SDCCAG8: variants seen among roughly 807,000 people sequenced by gnomAD.
SDCCAG8 encodes SHH signaling and ciliogenesis regulator SDCCAG8.
A neutral mutation model predicts 101.8 loss-of-function variants in SDCCAG8; 74 were observed. The observed-to-expected ratio is 0.73, with a 90% CI of 0.60 to 0.88. SDCCAG8 has a LOEUF of 0.88. Among genes scored for constraint, SDCCAG8 ranks in the 40% least tolerant of loss-of-function variants. The probability of loss-of-function intolerance (pLI) is 0.00; values close to 1 mark genes in which losing one functional copy is unlikely to be tolerated. For missense variants in SDCCAG8, 787 were observed against 822.6 expected, an observed-to-expected ratio of 0.96 and a Z score of 0.53; for synonymous variants, 281 against 292.9, an observed-to-expected ratio of 0.96 and a Z score of 0.41.
intron 7 of SDCCAG8, chr1:243,305,434 C>T (rs2071999511): frequency 6.6e-6 from 1 of 151,860 alleles, no homozygotes; most frequent in Admixed American, 6.6e-5. Flanking sequence ...TGTAGATAGT[C>T]TTCATCTAAT....
intron 1 of SDCCAG8, chr1:243,269,092 C>CA (rs1349578306): frequency 6.6e-6 from 1 of 152,382 alleles, no homozygotes; most frequent in East Asian, 1.9e-4. Context: ...GTCTCTCCAG[C>CA]AGGGTAGTCA....
intron 16 of SDCCAG8, among the ~76,000 whole-genome samples, chr1:243,464,387 G>C (rs1416608748): frequency 6.6e-6 from 1 of 152,132 alleles, no homozygotes; most frequent in African/African-American, 2.4e-5. Context: ...CAAGTGCTTA[G>C]AAGACTAATA....
intron 6 of SDCCAG8, among the ~76,000 whole-genome samples, chr1:243,294,465 C>G (rs991462381): frequency 3.9e-4 from 24 of 61,468 alleles, no homozygotes; most frequent in African/African-American, 7.6e-4. Flanking sequence ...TCCACTCCCC[C>G]CAAAAGGTGG....
At chr1:243,292,911 T>C (rs1049010501) in intron 5 of SDCCAG8, among the ~76,000 whole-genome samples, 180 bp from the exon 6 acceptor site, 1 of 152,224 alleles carries the variant, frequency 6.6e-6, no homozygotes, top group African/African-American at 2.4e-5. Context: ...GAATTTTACT[T>C]TGCAACACTT....
At chr1:243,294,772 A>T (rs1474273342) in intron 6 of SDCCAG8, among the ~76,000 whole-genome samples, 1 of 149,784 alleles carries the variant, frequency 6.7e-6, no homozygotes, top group African/African-American at 2.5e-5. Context: ...TTAAGACTAA[A>T]TAATACTTTT....
chr1:243,401,254 T>C (rs150021357), intron 13 of SDCCAG8, among the ~76,000 whole-genome samples: 7 of 152,342 alleles, frequency 4.6e-5, no homozygotes, highest in African/African-American at 1.4e-4. Context: ...TTATTAAAGT[T>C]TGAAACCATT....
intron 16 of SDCCAG8, among the ~76,000 whole-genome samples, chr1:243,431,897 T>C (rs908208020): frequency 6.6e-6 from 1 of 152,196 alleles, no homozygotes; most frequent in Non-Finnish European, 1.5e-5. Flanking sequence ...GGTAATATAT[T>C]GTTTAAAGTA....
chr1:243,288,400 A>ACTTACT (rs1355367514), intron 5 of SDCCAG8, among the ~76,000 whole-genome samples: 1 of 152,150 alleles, frequency 6.6e-6, no homozygotes. Context: ...CAGGAGGTCA[A>ACTTACT]GGCTGCAGTA....
intron 4 of SDCCAG8, among the ~76,000 whole-genome samples, chr1:243,284,418 C>T (rs548662611): frequency 6.6e-5 from 10 of 152,208 alleles, no homozygotes; most frequent in South Asian, 2.1e-4. Context: ...TGTCAGTATA[C>T]GGGAGCCATA....
intron 12 of SDCCAG8, among the ~76,000 whole-genome samples, chr1:243,360,747 G>A (rs952746238): frequency 7.2e-5 from 11 of 152,062 alleles, no homozygotes; most frequent in Non-Finnish European, 1.3e-4. Context: ...GTTTGAACCC[G>A]GGTGGTGGAG....
intron 15 of SDCCAG8, among the ~76,000 whole-genome samples, chr1:243,421,941 C>T (rs1282222081): frequency 6.6e-6 from 1 of 152,144 alleles, no homozygotes; most frequent in Non-Finnish European, 1.5e-5. Context: ...TTAGATGAAT[C>T]AGCAGTAAAA....
rs535558485 is a variant in SDCCAG8, at chr1:243,354,116, C to T, written c.1473+9785C>T. ...TAGCTTTTCCAGCTAATTTCCTGAG[C>T]AAACCTCTCAGAGCCTCAGTTTATT... On this transcript the variant is annotated intron_variant, in intron 12 of 17. Transcript: ENST00000366541. Among the ~76,000 whole-genome samples the T allele has an allele frequency of 2.6e-5, 4 of 152,292 alleles. No homozygotes were observed. In the South Asian group the frequency reaches 8.3e-4, roughly 32 times the overall value.
At chr1:243,270,851 C>G (rs1490864335) in intron 2 of SDCCAG8, 127 bp from the exon 3 acceptor site, 1 of 720,428 alleles carries the variant, frequency 1.4e-6, no homozygotes, top group African/African-American at 1.8e-5. Flanking sequence ...GTCTTGTATC[C>G]CCAGTTGATA....
intron 12 of SDCCAG8, among the ~76,000 whole-genome samples, chr1:243,353,818 G>A (rs1039714445): frequency 1.1e-4 from 16 of 152,032 alleles, no homozygotes; most frequent in Non-Finnish European, 1.6e-4. Flanking sequence ...GTATCGTTTG[G>A]GAATGTATGC....
chr1:243,470,150 A>G (rs1287324580), intron 16 of SDCCAG8, among the ~76,000 whole-genome samples: 1 of 152,196 alleles, frequency 6.6e-6, no homozygotes, highest in Admixed American at 6.5e-5. Flanking sequence ...CCTGACTGAG[A>G]TGAAGCCACC....
rs373020926 is a variant in SDCCAG8 at position 243,270,087 on chromosome 1, G to T, written c.68-18G>T. On this transcript the variant is annotated intron_variant, in intron 1 of 17. Transcript: ENST00000366541. ...CCAGACTCCATGGGTCCTAACTTTCGTCAGGTTGTTCTTGCAGAACATGCC... is the reference window on the plus strand; with the variant it reads ...CCAGACTCCATGGGTCCTAACTTTCTTCAGGTTGTTCTTGCAGAACATGCC... 5.0e-6 allele frequency: 8 copies of T among 1,614,000 alleles called. No individual in the cohort carries two copies.
At chr1:243,302,952 A>G (rs1474429277) in intron 6 of SDCCAG8, among the ~76,000 whole-genome samples, 12 of 152,242 alleles carry the variant, frequency 7.9e-5, no homozygotes, top group Admixed American at 7.9e-4. Context: ...ATAACAATGA[A>G]TTCCTGCTGG....
intron 16 of SDCCAG8, among the ~76,000 whole-genome samples, chr1:243,426,903 G>A (rs1379377519): frequency 6.6e-6 from 1 of 152,148 alleles, no homozygotes; most frequent in Non-Finnish European, 1.5e-5. Context: ...GATTTTATAT[G>A]CTTTTTGTAA....
intron 4 of SDCCAG8, among the ~76,000 whole-genome samples, chr1:243,276,993 A>G (rs1478361872): frequency 1.3e-5 from 2 of 152,034 alleles, no homozygotes; most frequent in Non-Finnish European, 1.5e-5. Context: ...ATTTCTTTTT[A>G]TTATTAAGTA....
Sources: gnomAD v4.1 joint callset for allele counts (sites outside exome capture counted in the v4.1 genomes callset) on GRCh38, gnomAD v4.1.1 for gene constraint, MANE v1.5 for transcripts, NCBI Gene and HGNC (gene_info 2026-07-23, HGNC 2026-07-21) for gene names.